The following EPHA2 variants were observed in gnomAD, a reference collection of about 807,000 sequenced individuals.
EPHA2 encodes the protein EPH receptor A2, also known as ephrin type-A receptor 2.
A neutral mutation model predicts 104.9 loss-of-function variants in EPHA2; 54 were observed. The ratio of observed to expected loss-of-function variants is 0.51; its 90% CI spans 0.41 to 0.65. The LOEUF (loss-of-function observed/expected upper bound fraction) is 0.65, where lower values mean the gene tolerates loss of function less well. Among genes scored for constraint, EPHA2 ranks in the 30% least tolerant of loss-of-function variants. The pLI, the probability that EPHA2 is intolerant of heterozygous loss-of-function variation, is 0.00. For missense variants in EPHA2, 1,117 were observed against 1,369.5 expected, an observed-to-expected ratio of 0.82 and a Z score of 2.91; for synonymous variants, 560 against 559.1, an observed-to-expected ratio of 1.00 and a Z score of -0.02.
intron 3 of EPHA2, among the ~76,000 whole-genome samples, chr1:16,144,730 CCTG>C (rs1349683568): frequency 6.6e-6 from 1 of 152,204 alleles, no homozygotes; most frequent in Non-Finnish European, 1.5e-5. Context: ...CCCAAGGGGA[CCTG>C]CTAAGGTCAT....
intron 10 of EPHA2, 21 bp downstream of exon 10, chr1:16,133,460 T>A (rs758894147): frequency 1.9e-6 from 3 of 1,613,904 alleles, no homozygotes; most frequent in Admixed American, 1.7e-5. Flanking sequence ...TCAGGGCCCC[T>A]TGGCAGGGGG....
rs137915846 is a variant in EPHA2, at chr1:16,129,851, G to A, written c.2670-262C>T. ...TAACTACCACATCATAAAATGCTAC[G>A]AGCAGAGATTCCAGATCCTGAGGTC... On this transcript the variant is annotated intron_variant, in intron 15 of 16. Transcript: ENST00000358432. 1.1e-3 allele frequency among the ~76,000 whole-genome samples: 171 copies of A among 152,220 alleles called. No homozygotes were observed. In the East Asian group the frequency reaches 0.014, roughly 12 times the overall value.
chr1:16,129,043 G>A (rs887103743), intron 16 of EPHA2, among the ~76,000 whole-genome samples: 10 of 151,664 alleles, frequency 6.6e-5, no homozygotes, highest in Admixed American at 6.6e-4. Flanking sequence ...TGGGACCCTG[G>A]GCAGGTCACT....
At chr1:16,140,081 G>T (rs2024794179) in intron 3 of EPHA2, among the ~76,000 whole-genome samples, 1 of 152,256 alleles carries the variant, frequency 6.6e-6, no homozygotes, top group South Asian at 2.1e-4. Flanking sequence ...CAGAGGTGCA[G>T]AGGGGGACCA....
chr1:16,140,772 T>A (rs1188370437), intron 3 of EPHA2, among the ~76,000 whole-genome samples: 1 of 152,202 alleles, frequency 6.6e-6, no homozygotes, highest in Non-Finnish European at 1.5e-5. Context: ...GCACCGGCCA[T>A]CAAGCCTGGC....
intron 16 of EPHA2, among the ~76,000 whole-genome samples, chr1:16,127,687 G>C (rs1445864999): frequency 6.6e-6 from 1 of 152,206 alleles, no homozygotes; most frequent in Non-Finnish European, 1.5e-5. Context: ...AGAGGCAGAG[G>C]GGAAGGAGGA....
rs2024648243 is a variant in EPHA2 at position 16,134,736 on chromosome 1, C to T, written c.1583-169G>A. Among the ~76,000 whole-genome samples the T allele has an allele frequency of 1.3e-5, 2 of 152,112 alleles. No individual in the cohort carries two copies. Among genetic ancestry groups the T allele is most frequent in the African/African-American group, 2.4e-5 (1 of 41,406 alleles). ...ATAGACGGTCAAGCGGAGGCCTTCC[C>T]GAAGGTCTCACGGGAGGTATTGCAG... is the stretch of plus-strand genomic sequence containing the variant. On this transcript the variant is annotated intron_variant, in intron 7 of 16. Coordinates refer to ENST00000358432, the MANE Select transcript of EPHA2 (RefSeq NM_004431.5). The surrounding 1 kb of genome is among the most constrained non-coding windows in gnomAD (Gnocchi z 4.5).
chr1:16,141,590 GCT>G (rs1205086204), intron 3 of EPHA2, among the ~76,000 whole-genome samples: 3 of 152,244 alleles, frequency 2.0e-5, no homozygotes, highest in Non-Finnish European at 1.5e-5. Context: ...CCCAGCCCAG[GCT>G]CTCAGGCCAG....
chr1:16,153,206 G>A, intron 1 of EPHA2: 1 of 985,122 alleles, frequency 1.0e-6, no homozygotes, highest in Non-Finnish European at 1.2e-6. Context: ...GGTCCACATT[G>A]CTCCACAGCT....
chr1:16,149,079 A>G, intron 2 of EPHA2, 32 bp from the exon 3 acceptor site: 1 of 1,607,446 alleles, frequency 6.2e-7, no homozygotes, highest in Non-Finnish European at 8.5e-7. Context: ...TAGTGTGGGC[A>G]GGTGCCTGGG....
rs1186493055 is a variant in EPHA2 at position 16,135,212 on chromosome 1, G to A, written c.1429-23C>T. 1.2e-6 allele frequency: 2 copies of A among 1,612,816 alleles called. No homozygotes were observed. The highest frequency in any genetic ancestry group is 1.3e-5 in the African/African-American group (1 of 74,900). On this transcript the variant is annotated intron_variant, in intron 6 of 16. Coordinates refer to ENST00000358432, the MANE Select transcript of EPHA2 (RefSeq NM_004431.5). The surrounding 1 kb of genome is among the most constrained non-coding windows in gnomAD (Gnocchi z 4.3). Reference sequence around the variant, plus strand: ...TCCCTGTGGGTGGGTGGCCGGCGGAGGAGCAGGCAGTGAGGGCAGGGCAGG... The same window carrying A: ...TCCCTGTGGGTGGGTGGCCGGCGGAAGAGCAGGCAGTGAGGGCAGGGCAGG...
At position 16,130,228 on chromosome 1, in the gene EPHA2, G is replaced by A. The variant is rs748015923; in HGVS notation, c.2667C>T (p.Pro889=). 5.6e-6 allele frequency: 9 copies of A among 1,614,134 alleles called. No homozygotes were observed. Among genetic ancestry groups the A allele is most frequent in the Admixed American group, 1.7e-5 (1 of 60,016 alleles). ...TGGGCAGAGGGCATAGAACTCACCG[G>A]GGGTCAAAGTCAGCCAGGGTCTTGA... ...DSLKTLADFD[P]RVSIRLPSTS... Residue 889 remains proline (P), a splice_region_variant and synonymous_variant, in exon 15 of 17, where the codon CCC becomes CCT. Transcript: ENST00000358432. The surrounding 1 kb of genome is among the most constrained non-coding windows in gnomAD (Gnocchi z 4.5).
intron 5 of EPHA2, among the ~76,000 whole-genome samples, chr1:16,136,713 A>AGAAGAAAAGAAGAAGAAGAAGAAGAAG (rs752397568): frequency 9.7e-6 from 1 of 102,734 alleles, no homozygotes; most frequent in African/African-American, 5.5e-5. Context: ...AAGAAGAAGA[A>AGAAGAAAAGAAGAAGAAGAAGAAGAAG]AAGAAGAAGA....
In EPHA2 at chr1:16,150,424, G is replaced by A. The variant is rs1320480823; in HGVS notation, c.153+472C>T. 6.6e-6 allele frequency among the ~76,000 whole-genome samples: 1 copy of A among 152,218 alleles called. No homozygotes were observed. Among genetic ancestry groups the A allele is most frequent in the Non-Finnish European group, 1.5e-5 (1 of 68,042 alleles). ...GAGAAATGCAGCCCCCCACAGGAAGGGGAAGCAACAGCTAGAGGTGGGAAA... is the reference window on the plus strand; with the variant it reads ...GAGAAATGCAGCCCCCCACAGGAAGAGGAAGCAACAGCTAGAGGTGGGAAA... On this transcript the variant is annotated intron_variant, in intron 2 of 16. Coordinates refer to ENST00000358432, the MANE Select transcript of EPHA2 (RefSeq NM_004431.5). This position sits in a 1 kb window ranked among gnomAD's most constrained non-coding sequence, Gnocchi z 4.8.
rs150945211 is a variant in EPHA2, at chr1:16,145,401, C to T, written c.823+2977G>A. Among the ~76,000 whole-genome samples, 21 of 152,348 alleles carry T rather than the reference C, an allele frequency of 1.4e-4. No individual in the cohort carries two copies. The East Asian group carries it at 4.1e-3, about 29-fold the overall frequency. ...GGAGGTGCCTCCCTTCCTCTGCCCA[C>T]TTAACTCTTTCCTGAGCTCTGGGCT... On this transcript the variant is annotated intron_variant, in intron 3 of 16. Coordinates refer to ENST00000358432, the MANE Select transcript of EPHA2 (RefSeq NM_004431.5).
chr1:16,127,492 G>A (rs1425803820), intron 16 of EPHA2, among the ~76,000 whole-genome samples: 1 of 152,098 alleles, frequency 6.6e-6, no homozygotes, highest in Non-Finnish European at 1.5e-5. Flanking sequence ...CCCCTGGGAG[G>A]GAGTCAAGAA....
chr1:16,129,529 G>C lies in EPHA2; in HGVS notation c.2730C>G (p.Ser910=), dbSNP rs140726562. ...GSEGVPFRTV[S]EWLESIKMQQ... ...GCATCTTGATGGACTCCAGCCACTC[G>C]GACACCGTGCGGAAGGGCACCCCCT... The change falls in exon 16 of 17, where the codon TCC becomes TCG. Residue 910 remains serine (S), a synonymous_variant. Transcript: ENST00000358432. 1.2e-6 allele frequency: 2 copies of C among 1,613,552 alleles called. No homozygotes were observed. The highest frequency in any genetic ancestry group is 1.7e-5 in the Admixed American group (1 of 60,016).
In EPHA2 at chr1:16,148,565, AG is replaced by A. The variant is rs747633439; in HGVS notation, c.635del (p.Pro212LeufsTer181). 1.2e-6 allele frequency: 2 copies of A among 1,612,326 alleles called. No individual in the cohort carries two copies. Among genetic ancestry groups the A allele is most frequent in the African/African-American group, 2.7e-5 (2 of 74,952 alleles). On this transcript the variant is annotated frameshift_variant, in exon 3 of 17. Transcript: ENST00000358432. LOFTEE classifies it high-confidence loss of function. The surrounding 1 kb of genome is among the most constrained non-coding windows in gnomAD (Gnocchi z 4.9). ...GTGCATCAGAGCCGGCGATGGTCTC[AG>A]GGAAGTGGGCCAGGCCCTGCAGCAG... is the stretch of plus-strand genomic sequence containing the variant. ...PELLQGLAHF[P>X]ETIAGSDAPS...
At position 16,129,437 on chromosome 1, in the gene EPHA2, T is replaced by C; in HGVS notation, c.2822A>G (p.Asn941Ser). Residue 941 changes from asparagine (N) to serine (S), a missense_variant, in exon 16 of 17, where the codon AAC becomes AGC. By Grantham distance (46) the Asn-to-Ser change is conservative. Transcript: ENST00000358432. ...TAIEKVVQMT[N>S]DDIKRIGVRL... ...GACGGAAAGGGGCCTGACTTACTCGTTGGTCATCTGCACCACCTTCTCGAT... is the reference window on the plus strand; with the variant it reads ...GACGGAAAGGGGCCTGACTTACTCGCTGGTCATCTGCACCACCTTCTCGAT... The C allele has an allele frequency of 6.2e-7, 1 of 1,612,862 alleles. No individual in the cohort carries two copies. The highest frequency in any genetic ancestry group is 1.1e-5 in the South Asian group (1 of 91,046).
Sources: gnomAD v4.1 joint callset for allele counts (sites outside exome capture counted in the v4.1 genomes callset) on GRCh38, gnomAD v4.1.1 for gene constraint, Gnocchi (gnomAD v3.1) non-coding constraint, MANE v1.5 for transcripts, NCBI Gene and HGNC (gene_info 2026-07-23, HGNC 2026-07-21) for gene names.